Variants in AGBL3 observed in about 807,000 individuals in gnomAD.
AGBL3 encodes the protein AGBL carboxypeptidase 3.
AGBL3 carries 68 observed loss-of-function variants against 94.5 expected under a neutral mutation model. The ratio of observed to expected loss-of-function variants is 0.72; its 90% CI spans 0.59 to 0.88. The LOEUF is 0.88. Ranked by LOEUF, AGBL3 falls within the 40% of genes least tolerant of loss-of-function variation. The probability of loss-of-function intolerance (pLI) is 0.00; values close to 1 mark genes in which losing one functional copy is unlikely to be tolerated. For synonymous variants in AGBL3, 354 were observed against 370.7 expected, an observed-to-expected ratio of 0.95 and a Z score of 0.52; for missense variants, 934 against 1,103.8, an observed-to-expected ratio of 0.85 and a Z score of 2.18.
At chr7:135,094,249 AAAAAGCTGAACAAACT>A (rs1457451350) in intron 15 of AGBL3, 1 of 386,290 alleles carries the variant, frequency 2.6e-6, no homozygotes, top group Non-Finnish European at 5.1e-6. Context: ...TACAACAACA[AAAAAGCTGAACAAACT>A]AAAAATCAGC....
intron 14 of AGBL3, 32 bp downstream of exon 14, chr7:135,080,292 AT>A: frequency 6.6e-7 from 1 of 1,525,400 alleles, no homozygotes. Context: ...CTCATAAACA[AT>A]TAATTCATTT....
chr7:135,053,410 C>T (rs1335332461), intron 11 of AGBL3, among the ~76,000 whole-genome samples: 3 of 152,074 alleles, frequency 2.0e-5, no homozygotes, highest in Non-Finnish European at 2.9e-5. Context: ...GAGTTTGAGA[C>T]CAGCCTGACC....
intron 15 of AGBL3, among the ~76,000 whole-genome samples, chr7:135,108,505 T>G (rs1384258816): frequency 6.6e-6 from 1 of 152,174 alleles, no homozygotes; most frequent in Non-Finnish European, 1.5e-5. Flanking sequence ...GTTCAAAATT[T>G]TTTTCTTTAA....
intron 16 of AGBL3, among the ~76,000 whole-genome samples, chr7:135,126,373 C>G (rs1827868881): frequency 6.6e-6 from 1 of 151,516 alleles, no homozygotes; most frequent in African/African-American, 2.4e-5. Context: ...CTACAGACCA[C>G]CAAGGAAACA....
At chr7:135,091,162 G>A (rs1354038470) in intron 15 of AGBL3, among the ~76,000 whole-genome samples, 1 of 152,092 alleles carries the variant, frequency 6.6e-6, no homozygotes, top group Non-Finnish European at 1.5e-5. Context: ...TGGAGGATGG[G>A]GTGGTGGAGT....
intron 15 of AGBL3, among the ~76,000 whole-genome samples, chr7:135,113,422 A>G (rs941207961): frequency 1.3e-5 from 2 of 152,168 alleles, no homozygotes; most frequent in African/African-American, 4.8e-5. Context: ...AATTCTATAA[A>G]TTATATTATT....
chr7:134,997,056 G>C (rs1461755300), intron 4 of AGBL3, among the ~76,000 whole-genome samples: 1 of 152,136 alleles, frequency 6.6e-6, no homozygotes, highest in Non-Finnish European at 1.5e-5. Flanking sequence ...ACCAGTTTCG[G>C]GGAAGATAAT....
At chr7:135,105,344 A>G (rs1023944388) in intron 15 of AGBL3, among the ~76,000 whole-genome samples, 1 of 152,170 alleles carries the variant, frequency 6.6e-6, no homozygotes, top group Non-Finnish European at 1.5e-5. Flanking sequence ...TGCTGGGATT[A>G]CAGGCATAGG....
intron 12 of AGBL3, among the ~76,000 whole-genome samples, chr7:135,059,519 C>A (rs1818640383): frequency 6.6e-6 from 1 of 152,168 alleles, no homozygotes; most frequent in Admixed American, 6.6e-5. Flanking sequence ...ACATACATCA[C>A]CTGACTGCTT....
rs957739987 is a variant in AGBL3 at position 135,107,617 on chromosome 7, G to C, written c.2111-7763G>C. Among the ~76,000 whole-genome samples, 7 of 152,234 alleles carry C rather than the reference G, an allele frequency of 4.6e-5. No homozygotes were observed. In the East Asian group the frequency reaches 1.4e-3, roughly 29 times the overall value. ...ATTTCAGTTCTTTTGCATTTCCTGA[G>C]AATTGTTTTATGTCTGATTGTGTAG... On this transcript the variant is annotated intron_variant, in intron 15 of 16. Transcript: ENST00000436302.
chr7:135,119,287 T>G (rs1257849553), intron 16 of AGBL3, among the ~76,000 whole-genome samples: 2 of 151,894 alleles, frequency 1.3e-5, no homozygotes, highest in Non-Finnish European at 2.9e-5. Context: ...TGGAGTCCAG[T>G]GGAACAATCT....
At chr7:135,001,279 C>A (rs1811680486) in intron 4 of AGBL3, among the ~76,000 whole-genome samples, 1 of 152,158 alleles carries the variant, frequency 6.6e-6, no homozygotes, top group Non-Finnish European at 1.5e-5. Context: ...GTGCATTGGT[C>A]TGCCATGTCA....
At chr7:135,023,762 G>A (rs1273980746) in intron 5 of AGBL3, among the ~76,000 whole-genome samples, 5 of 152,178 alleles carry the variant, frequency 3.3e-5, no homozygotes, top group East Asian at 1.9e-4. Context: ...CCTCCTGCCC[G>A]CTAGCCCTTC....
At chr7:135,056,147 C>G (rs1038468366) in intron 11 of AGBL3, among the ~76,000 whole-genome samples, 1 of 151,974 alleles carries the variant, frequency 6.6e-6, no homozygotes, top group African/African-American at 2.4e-5. Context: ...TGGGTTCTTT[C>G]TTTTTTCTTG....
chr7:135,096,431 G>GAA (rs1177897069), intron 15 of AGBL3, among the ~76,000 whole-genome samples: 7 of 150,766 alleles, frequency 4.6e-5, no homozygotes, highest in African/African-American at 1.5e-4. Context: ...AAGAAAGAAA[G>GAA]AGATATATAT....
At chr7:135,023,215 A>T (rs930256842) in intron 5 of AGBL3, among the ~76,000 whole-genome samples, 5 of 152,190 alleles carry the variant, frequency 3.3e-5, no homozygotes, top group African/African-American at 1.2e-4. Context: ...ATGGCTGACT[A>T]GACAGTCAGG....
chr7:135,088,065 T>C (rs1206517727), intron 15 of AGBL3, among the ~76,000 whole-genome samples: 2 of 152,224 alleles, frequency 1.3e-5, no homozygotes, highest in South Asian at 2.1e-4. Flanking sequence ...TTTATCCTTA[T>C]AACCTTCTTT....
chr7:134,990,956 A>G (rs533020524), intron 3 of AGBL3, among the ~76,000 whole-genome samples: 46 of 152,232 alleles, frequency 3.0e-4, no homozygotes, highest in African/African-American at 1.0e-3. Flanking sequence ...CAGGCAATCA[A>G]TCCAGTTAGG....
chr7:135,058,620 A>G (rs916742240), intron 11 of AGBL3, among the ~76,000 whole-genome samples: 4 of 150,906 alleles, frequency 2.7e-5, no homozygotes, highest in African/African-American at 4.8e-5. Context: ...TGAGCCAGAC[A>G]GAAAAAAAAA....
Sources: gnomAD v4.1 joint callset for allele counts (sites outside exome capture counted in the v4.1 genomes callset) on GRCh38, gnomAD v4.1.1 for gene constraint, MANE v1.5 for transcripts, NCBI Gene and HGNC (gene_info 2026-07-23, HGNC 2026-07-21) for gene names.